Variants in BTBD9 observed in about 807,000 individuals in gnomAD.
The protein encoded by BTBD9 is BTB domain containing 9.
Under a neutral mutation model 64.3 loss-of-function variants are expected in BTBD9, and 49 were observed. The ratio of observed to expected loss-of-function variants is 0.76; its 90% CI spans 0.61 to 0.97. BTBD9 has a LOEUF of 0.97. Ranked by LOEUF, BTBD9 falls within the 50% of genes least tolerant of loss-of-function variation. The probability of loss-of-function intolerance (pLI) is 0.00; values close to 1 mark genes in which losing one functional copy is unlikely to be tolerated. For missense variants in BTBD9, 598 were observed against 762.1 expected (o/e 0.78, Z 2.53); for synonymous variants, 260 against 274.7 (o/e 0.95, Z 0.53).
chr6:38,214,670 TC>T (rs1762953814), intron 9 of BTBD9, among the ~76,000 whole-genome samples: 1 of 152,032 alleles, frequency 6.6e-6, no homozygotes, highest in Admixed American at 6.6e-5. Context: ...CCCCAGAGAT[TC>T]CCAACCCATA....
At chr6:38,445,537 T>C (rs1769235854) in intron 6 of BTBD9, among the ~76,000 whole-genome samples, 1 of 152,218 alleles carries the variant, frequency 6.6e-6, no homozygotes. Flanking sequence ...TGTCTAGTAT[T>C]ATCATTTTAT....
intron 7 of BTBD9, among the ~76,000 whole-genome samples, chr6:38,340,002 G>C (rs920361513): frequency 1.3e-5 from 2 of 152,064 alleles, no homozygotes. Flanking sequence ...TGTATGTATT[G>C]GGGATAGAGC....
At chr6:38,416,463 T>C (rs1341043500) in intron 6 of BTBD9, among the ~76,000 whole-genome samples, 1 of 149,830 alleles carries the variant, frequency 6.7e-6, no homozygotes, top group African/African-American at 2.5e-5. Context: ...GCCTCCCGAG[T>C]ATCTGGGACT....
intron 6 of BTBD9, among the ~76,000 whole-genome samples, chr6:38,473,911 A>G (rs542032789): frequency 6.6e-6 from 1 of 152,302 alleles, no homozygotes; most frequent in East Asian, 1.9e-4. Context: ...AGCTAGATGA[A>G]GACTAGGGGA....
chr6:38,542,876 C>T (rs1237711080), intron 6 of BTBD9, among the ~76,000 whole-genome samples: 2 of 152,198 alleles, frequency 1.3e-5, no homozygotes, highest in Non-Finnish European at 2.9e-5. Flanking sequence ...TACTTTTGTA[C>T]TACCTGGCCA....
chr6:38,457,434 G>A (rs1769871261), intron 6 of BTBD9, among the ~76,000 whole-genome samples: 1 of 152,074 alleles, frequency 6.6e-6, no homozygotes, highest in South Asian at 2.1e-4. Context: ...ATATTTTAGA[G>A]TTAAAACCAA....
chr6:38,393,246 A>G (rs1427137098), intron 6 of BTBD9, among the ~76,000 whole-genome samples: 1 of 152,206 alleles, frequency 6.6e-6, no homozygotes, highest in Non-Finnish European at 1.5e-5. Flanking sequence ...ATGTAGCCAT[A>G]TTTAAGGCTA....
intron 6 of BTBD9, among the ~76,000 whole-genome samples, chr6:38,397,007 T>C (rs1766712266): frequency 6.6e-6 from 1 of 151,294 alleles, no homozygotes; most frequent in Non-Finnish European, 1.5e-5. Flanking sequence ...GTTCAAGTGA[T>C]TCTCAGGCCT....
intron 6 of BTBD9, among the ~76,000 whole-genome samples, chr6:38,467,595 T>G (rs1467603544): frequency 3.9e-5 from 6 of 152,228 alleles, no homozygotes; most frequent in African/African-American, 2.4e-5. Flanking sequence ...GAGAAGGTGA[T>G]CTACGCCATG....
chr6:38,350,254 C>T (rs939970333), intron 6 of BTBD9, among the ~76,000 whole-genome samples: 7 of 152,178 alleles, frequency 4.6e-5, no homozygotes, highest in African/African-American at 1.4e-4. Context: ...TGGGAAGGTA[C>T]GAGTTCCTTT....
intron 6 of BTBD9, among the ~76,000 whole-genome samples, chr6:38,449,583 A>T (rs1769428184): frequency 6.6e-6 from 1 of 152,134 alleles, no homozygotes; most frequent in African/African-American, 2.4e-5. Context: ...AGAAGAATGA[A>T]ATTAGACCCT....
intron 6 of BTBD9, among the ~76,000 whole-genome samples, chr6:38,557,534 C>A (rs1775083516): frequency 6.6e-6 from 1 of 152,150 alleles, no homozygotes; most frequent in African/African-American, 2.4e-5. Flanking sequence ...AAATGAAATA[C>A]TCAGTGTCTG....
rs186503569 is a variant in BTBD9 at position 38,579,065 on chromosome 6, A to G, written c.1034+1153T>C. Among the ~76,000 whole-genome samples the G allele has an allele frequency of 1.3e-3, 201 of 152,336 alleles. 1 individual carries two copies. The highest frequency in any genetic ancestry group is 4.5e-3 in the African/African-American group (186 of 41,568). Reference sequence around the variant, plus strand: ...AGACTCTTGGAAATGAGATATGTGGATTGGCTCCACTTTGCCAATTAAAAA... The same window carrying G: ...AGACTCTTGGAAATGAGATATGTGGGTTGGCTCCACTTTGCCAATTAAAAA... On this transcript the variant is annotated intron_variant, in intron 5 of 10. Transcript: ENST00000481247.
chr6:38,457,076 A>C (rs1286622250), intron 6 of BTBD9, among the ~76,000 whole-genome samples: 1 of 152,156 alleles, frequency 6.6e-6, no homozygotes, highest in East Asian at 1.9e-4. Flanking sequence ...GGTGGGAAAA[A>C]TGTTGGCAAA....
intron 7 of BTBD9, among the ~76,000 whole-genome samples, chr6:38,335,366 G>C (rs1452736504): frequency 2.0e-5 from 3 of 151,320 alleles, no homozygotes; most frequent in Non-Finnish European, 4.4e-5. Flanking sequence ...GATTCTCATG[G>C]CTCAGCCTCC....
intron 9 of BTBD9, among the ~76,000 whole-genome samples, chr6:38,199,592 G>A (rs1762387275): frequency 6.6e-6 from 1 of 152,196 alleles, no homozygotes; most frequent in Non-Finnish European, 1.5e-5. Flanking sequence ...ACAGTGTTAA[G>A]TAGACTTGGA....
chr6:38,571,177 T>C (rs1775749325), intron 6 of BTBD9, among the ~76,000 whole-genome samples: 1 of 152,220 alleles, frequency 6.6e-6, no homozygotes, highest in South Asian at 2.1e-4. Flanking sequence ...TCTTCAGTCA[T>C]AAGAAGAAAG....
intron 6 of BTBD9, among the ~76,000 whole-genome samples, chr6:38,439,991 G>T (rs145402841): frequency 6.6e-6 from 1 of 152,274 alleles, no homozygotes; most frequent in East Asian, 1.9e-4. Context: ...GAAGATGGGG[G>T]ATTGTAGAGG....
intron 6 of BTBD9, among the ~76,000 whole-genome samples, chr6:38,573,075 G>T (rs1238818574): frequency 6.6e-6 from 1 of 151,806 alleles, no homozygotes. Flanking sequence ...ATATGCAGAA[G>T]ACAAAAACAG....
Sources: allele counts gnomAD v4.1 joint callset (sites outside exome capture counted in the v4.1 genomes callset), GRCh38; gene constraint gnomAD v4.1.1; transcripts MANE v1.5; gene names NCBI Gene and HGNC (gene_info 2026-07-23, HGNC 2026-07-21).